Variants in RFX1 observed in about 807,000 individuals in gnomAD.
RFX1 encodes the protein MHC class II regulatory factor RFX1.
In RFX1, 42 loss-of-function variants were observed where a neutral mutation model predicts 119.6. That is an observed-to-expected ratio of 0.35 (90% CI 0.27 to 0.45). The LOEUF (loss-of-function observed/expected upper bound fraction) is 0.45. Ranked by LOEUF, RFX1 falls within the 20% of genes least tolerant of loss-of-function variation. RFX1 has a pLI of 1.00. For missense variants in RFX1, 1,118 were observed against 1,368.1 expected (o/e 0.82, Z 2.88); for synonymous variants, 628 against 618.5 (o/e 1.02, Z -0.23).
chr19:13,977,122 C>T (rs1974274505), intron 8 of RFX1, among the ~76,000 whole-genome samples: 1 of 151,652 alleles, frequency 6.6e-6, no homozygotes, highest in Non-Finnish European at 1.5e-5. Context: ...TGGTGATACC[C>T]CATCTCTACT....
At chr19:13,993,923 G>C in intron 1 of RFX1, 28 bp from the exon 2 acceptor site, 1 of 1,184,312 alleles carries the variant, frequency 8.4e-7, no homozygotes. Flanking sequence ...GGATGGGGGA[G>C]AGAAAAACAA....
intron 9 of RFX1, among the ~76,000 whole-genome samples, chr19:13,971,692 G>A (rs1974083695): frequency 6.6e-6 from 1 of 152,026 alleles, no homozygotes; most frequent in Admixed American, 6.6e-5. Flanking sequence ...GCAACAGAGT[G>A]AGATCCTGTC....
In RFX1 at chr19:13,969,396, T is replaced by A. The variant is rs79951268; in HGVS notation, c.1497-502A>T. ...GCCGGGCACGGTGGGGTCATGCCTA[T>A]AATCCTAGCACTTTGGGAGGCCAAG... On this transcript the variant is annotated intron_variant, in intron 10 of 20. Transcript: ENST00000254325. This position sits in a 1 kb window ranked among gnomAD's most constrained non-coding sequence, Gnocchi z 4.5. 5.8e-3 allele frequency among the ~76,000 whole-genome samples: 888 copies of A among 152,270 alleles called. 9 individuals are homozygous for A. The highest frequency in any genetic ancestry group is 0.02 in the African/African-American group (846 of 41,544).
chr19:13,994,719 A>ATGTGTATG (rs1555756253), intron 1 of RFX1, among the ~76,000 whole-genome samples: 1 of 125,956 alleles, frequency 7.9e-6, no homozygotes, highest in African/African-American at 3.1e-5. Context: ...CTAAATATAT[A>ATGTGTATG]TGTGTGTGTG....
intron 1 of RFX1, among the ~76,000 whole-genome samples, chr19:13,998,734 T>A (rs1975116878): frequency 6.6e-6 from 1 of 152,136 alleles, no homozygotes; most frequent in South Asian, 2.1e-4. Flanking sequence ...AGAGTCTGTT[T>A]TAGCTGGTCC....
chr19:14,001,378 G>A (rs1303242669), intron 1 of RFX1, among the ~76,000 whole-genome samples: 4 of 152,096 alleles, frequency 2.6e-5, no homozygotes, highest in African/African-American at 4.8e-5. Flanking sequence ...ACAGCTCACT[G>A]TAACCTTGAA....
chr19:13,963,735 C>G lies in RFX1; in HGVS notation c.2373G>C (p.Ser791=). ...CGCGGTCCTCGCAGCGGCACACCCACGAGGCCTGCTCCTGGGGCACAGAGG... is the reference window on the plus strand; with the variant it reads ...CGCGGTCCTCGCAGCGGCACACCCAGGAGGCCTGCTCCTGGGGCACAGAGG... ...VDFANVQEQA[S]WVCRCEDRVV... Residue 791 remains serine, a synonymous_variant, in exon 18 of 21, where the codon TCG becomes TCC. Transcript: ENST00000254325. The G allele has an allele frequency of 1.3e-6, 2 of 1,592,036 alleles. No homozygotes were observed. Among genetic ancestry groups the G allele is most frequent in the Non-Finnish European group, 1.7e-6 (2 of 1,171,040 alleles).
chr19:13,998,085 C>T (rs1019860721), intron 1 of RFX1: 4 of 152,182 alleles, frequency 2.6e-5, no homozygotes, highest in South Asian at 2.1e-4. Context: ...TGAACCCTGG[C>T]GCTATGTCTT....
rs1420604131 is a variant in RFX1 at position 13,980,752 on chromosome 19, TCA to T, written c.622-65_622-64del. The T allele has an allele frequency of 1.1e-4, 103 of 939,402 alleles. No homozygotes were observed. In the East Asian group the frequency reaches 2.1e-3, roughly 19 times the overall value. The allele number at this position is 939,402 out of a possible 1,614,324, so 58.2% of individuals were successfully genotyped here. ...GGCTTGCATCCTCTCTGAGGTGGGC[TCA>T]CACACACACCCTTCTCAGGAGAGCT... is the stretch of plus-strand genomic sequence containing the variant. On this transcript the variant is annotated intron_variant, in intron 5 of 20. Transcript: ENST00000254325. This position sits in a 1 kb window ranked among gnomAD's most constrained non-coding sequence, Gnocchi z 5.1.
At position 13,972,949 on chromosome 19, in the gene RFX1, T is replaced by C. The variant is rs2305780; in HGVS notation, c.1108A>G (p.Thr370Ala). Residue 370 changes from threonine to alanine, a missense_variant, in exon 9 of 21, where the codon ACC (threonine) becomes GCC (alanine). Coordinates refer to ENST00000254325, the MANE Select transcript of RFX1 (RefSeq NM_002918.5). ...TTGCTGGCCCCAGCCCCAGTGCTGG[T>C]GGAGCTGGCGACGACCTGGCTGCCG... is the stretch of plus-strand genomic sequence containing the variant. The part of the protein sequence containing the change: ...VSGSQVVASS[T>A]STGAGASNSS... 767,306 of 1,598,498 alleles carry C rather than the reference T, an allele frequency of 0.48. 187,541 individuals carry two copies. The highest frequency in any genetic ancestry group is 0.72 in the African/African-American group (54,191 of 74,914).
In RFX1 at chr19:13,966,255, C is replaced by T. The variant is rs557853851; in HGVS notation, c.1961+166G>A. ...TGGGCTTAGTCAGGCACTCCACCCCCGACTGTTGAGTGTCGGGTGGCTATA... is the reference window on the plus strand; with the variant it reads ...TGGGCTTAGTCAGGCACTCCACCCCTGACTGTTGAGTGTCGGGTGGCTATA... On this transcript the variant is annotated intron_variant, in intron 14 of 20. Coordinates refer to ENST00000254325, the MANE Select transcript of RFX1 (RefSeq NM_002918.5). The surrounding 1 kb of genome is among the most constrained non-coding windows in gnomAD (Gnocchi z 6.3). Among the ~76,000 whole-genome samples, 12 of 152,286 alleles carry T rather than the reference C, an allele frequency of 7.9e-5. No homozygotes were observed. Among genetic ancestry groups the T allele is most frequent in the Admixed American group, 5.2e-4 (8 of 15,298 alleles).
Position 13,966,863 on chromosome 19 carries a change from GACA to G in RFX1, c.1733-115_1733-113del. ...ACTGGGGTCCCCCATGTGCCGGTGA[GACA>G]ACGCTAGGTGGGGTGAGCGCCTGGC... On this transcript the variant is annotated intron_variant, in intron 12 of 20. Coordinates refer to ENST00000254325, the MANE Select transcript of RFX1 (RefSeq NM_002918.5). The surrounding 1 kb of genome is among the most constrained non-coding windows in gnomAD (Gnocchi z 6.3). 1.4e-6 allele frequency: 1 copy of G among 703,754 alleles called. No homozygotes were observed. The highest frequency in any genetic ancestry group is 2.4e-6 in the Non-Finnish European group (1 of 422,956). The allele number at this position is 703,754 out of a possible 1,614,324, so 43.6% of individuals were successfully genotyped here.
At chr19:13,973,278 C>G (rs985887137) in intron 8 of RFX1, 151 bp from the exon 9 acceptor site, 7 of 645,326 alleles carry the variant, frequency 1.1e-5, no homozygotes, top group Non-Finnish European at 1.9e-5. Flanking sequence ...TCATCTACAA[C>G]GGACTGGGTA....
At chr19:14,003,735 G>GT (rs1975289010) in intron 1 of RFX1, among the ~76,000 whole-genome samples, 1 of 152,108 alleles carries the variant, frequency 6.6e-6, no homozygotes, top group South Asian at 2.1e-4. Flanking sequence ...GAAAACTTAA[G>GT]TAACTCACCT....
chr19:13,999,806 G>A (rs1975153661), intron 1 of RFX1, among the ~76,000 whole-genome samples: 3 of 152,234 alleles, frequency 2.0e-5, no homozygotes, highest in African/African-American at 7.2e-5. Flanking sequence ...CTCCTGAGGA[G>A]CTGGGATTAC....
intron 9 of RFX1, 91 bp from the exon 10 acceptor site, chr19:13,970,266 C>CT (rs1974037121): frequency 1.7e-6 from 2 of 1,169,130 alleles, no homozygotes; most frequent in Non-Finnish European, 2.4e-6. Flanking sequence ...CGACTTCCAG[C>CT]TGGGATCCTG....
At chr19:13,970,236 T>G in intron 9 of RFX1, 61 bp from the exon 10 acceptor site, 1 of 1,441,572 alleles carries the variant, frequency 6.9e-7, no homozygotes, top group Non-Finnish European at 9.4e-7. Flanking sequence ...CTCTGAGTGC[T>G]GGGGCTGAGT....
rs1456349075 is a variant in RFX1, at chr19:13,968,902, G to A, written c.1497-8C>T. 1.3e-6 allele frequency: 2 copies of A among 1,547,608 alleles called. No individual in the cohort carries two copies. The highest frequency in any genetic ancestry group is 2.7e-5 in the African/African-American group (2 of 73,022). On this transcript the variant is annotated splice_region_variant and splice_polypyrimidine_tract_variant and intron_variant, in intron 10 of 20. Transcript: ENST00000254325. The surrounding 1 kb of genome is among the most constrained non-coding windows in gnomAD (Gnocchi z 5.5). ...TGGTACTTGGAGTTGCCCCTGGGAG[G>A]GAGGTGGAGGGGAAGGGCTGGGCTG...
At chr19:13,978,705 GCCCCCGCCCGCCCGCTGC>G (rs1974334038) in intron 7 of RFX1, among the ~76,000 whole-genome samples, 1 of 151,836 alleles carries the variant, frequency 6.6e-6, no homozygotes, top group Non-Finnish European at 1.5e-5. Flanking sequence ...GGGCGCCCCC[GCCCCCGCCCGCCCGCTGC>G]CCCCCGCCCG....
Sources: gnomAD v4.1 joint callset for allele counts (sites outside exome capture counted in the v4.1 genomes callset) on GRCh38, gnomAD v4.1.1 for gene constraint, Gnocchi (gnomAD v3.1) non-coding constraint, MANE v1.5 for transcripts, NCBI Gene and HGNC (gene_info 2026-07-23, HGNC 2026-07-21) for gene names.